Variants in MEAK7 observed in about 807,000 individuals in gnomAD.
MEAK7 encodes MTOR-associated protein MEAK7.
In MEAK7, 68 loss-of-function variants were observed where a neutral mutation model predicts 40.5. The ratio of observed to expected loss-of-function variants is 1.68; its 90% CI spans 1.38 to 2.06. MEAK7 has a LOEUF of 2.06. Among genes scored for constraint, MEAK7 ranks in the 30% most tolerant of loss-of-function variants. The pLI is 0.00. For synonymous variants in MEAK7, 338 were observed against 231.9 expected, an observed-to-expected ratio of 1.46 and a Z score of -4.16; for missense variants, 918 against 580.5, an observed-to-expected ratio of 1.58 and a Z score of -5.98.
intron 3 of MEAK7, among the ~76,000 whole-genome samples, chr16:84,489,897 T>G (rs1913422163): frequency 6.6e-6 from 1 of 152,174 alleles, no homozygotes; most frequent in African/African-American, 2.4e-5. Context: ...TGCAGCTCGC[T>G]TCCAACAGGG....
Position 84,486,848 on chromosome 16 carries a change from A to G in MEAK7, c.741T>C (p.Asp247=), listed in dbSNP as rs1913118450. 1 of 1,614,156 alleles carries G rather than the reference A, an allele frequency of 6.2e-7. No homozygotes were observed. Among genetic ancestry groups the G allele is most frequent in the Admixed American group, 1.7e-5 (1 of 60,028 alleles). ...DQGRGFESIL[D]VLSVMYINAQ... The stretch of plus-strand genomic sequence containing the variant: ...CGTTGATGTACATGACAGAGAGGAC[A>G]TCCAGGATGCTCTCAAAACCCCTGC... Residue 247 remains aspartate (D), a synonymous_variant, in exon 5 of 8, where the codon GAT becomes GAC. Transcript: ENST00000343629.
chr16:84,503,164 C>T (rs530305278), intron 1 of MEAK7, among the ~76,000 whole-genome samples: 58 of 152,104 alleles, frequency 3.8e-4, no homozygotes, highest in Non-Finnish European at 7.8e-4. Context: ...CACATAAAAC[C>T]CACTAACAAT....
chr16:84,487,311 ATAT>A (rs1913177733), intron 4 of MEAK7: 1 of 457,544 alleles, frequency 2.2e-6, no homozygotes, highest in Non-Finnish European at 3.8e-6. Context: ...TATTTAGGAC[ATAT>A]TATTAGAATC....
chr16:84,481,117 C>T (rs532583222), intron 6 of MEAK7, among the ~76,000 whole-genome samples: 2 of 152,244 alleles, frequency 1.3e-5, no homozygotes, highest in Middle Eastern at 3.2e-3. Context: ...GGCCCCAGTG[C>T]CCCGCTTCCG....
chr16:84,496,793 C>G (rs544917036), intron 2 of MEAK7, among the ~76,000 whole-genome samples: 1 of 152,134 alleles, frequency 6.6e-6, no homozygotes, highest in Non-Finnish European at 1.5e-5. Context: ...CCTCCAAACT[C>G]TCCTGTCTTG....
At chr16:84,497,308 G>A in intron 2 of MEAK7, 2 of 883,024 alleles carry the variant, frequency 2.3e-6, no homozygotes, top group African/African-American at 1.8e-5. Flanking sequence ...ATGGAACGGG[G>A]AAAAACATGG....
intron 5 of MEAK7, among the ~76,000 whole-genome samples, chr16:84,484,078 C>T (rs905554953): frequency 1.6e-4 from 24 of 152,200 alleles, no homozygotes; most frequent in African/African-American, 4.6e-4. Flanking sequence ...TTCAGGTAAG[C>T]GGCCCTTTGC....
At chr16:84,490,601 A>G (rs1338981247) in intron 3 of MEAK7, among the ~76,000 whole-genome samples, 1 of 148,860 alleles carries the variant, frequency 6.7e-6, no homozygotes, top group African/African-American at 2.5e-5. Context: ...ATTTAAAATG[A>G]TTTTTTTAAA....
At chr16:84,485,219 C>T (rs374172204) in intron 5 of MEAK7, among the ~76,000 whole-genome samples, 2 of 152,322 alleles carry the variant, frequency 1.3e-5, no homozygotes, top group East Asian at 3.9e-4. Flanking sequence ...ACCTGCAGGG[C>T]CGGCCCTGGG....
intron 7 of MEAK7, among the ~76,000 whole-genome samples, chr16:84,480,311 A>AC (rs1180552798): frequency 7.9e-5 from 12 of 151,330 alleles, no homozygotes; most frequent in Non-Finnish European, 1.5e-4. Flanking sequence ...CACTTGGGGA[A>AC]CCCCCCTTCC....
In MEAK7 at chr16:84,482,633, T is replaced by C. The variant is rs767161299; in HGVS notation, c.1036A>G (p.Met346Val). The change falls in exon 6 of 8, where the codon ATG becomes GTG. Residue 346 changes from methionine (M) to valine (V), a missense_variant. Transcript: ENST00000343629. ...YTHTGYNDHYMYLNHGQQTIP... is the reference protein window; with the variant it reads ...YTHTGYNDHYVYLNHGQQTIP... ...GTCTGCTGTCCATGGTTCAAGTACA[T>C]GTAGTGGTCGTTGTAGCCCGTGTGT... 3 of 1,614,054 alleles carry C rather than the reference T, an allele frequency of 1.9e-6. No homozygotes were observed. The highest frequency in any genetic ancestry group is 2.2e-5 in the East Asian group (1 of 44,896).
intron 3 of MEAK7, among the ~76,000 whole-genome samples, chr16:84,490,280 GAAA>G (rs57264146): frequency 1.6e-4 from 22 of 141,148 alleles, no homozygotes; most frequent in Admixed American, 5.0e-4. Context: ...ATAGCTGGGG[GAAA>G]AAAAAAAAAA....
Position 84,490,654 on chromosome 16 carries a change from A to ATGTGTGTGTGTG in MEAK7, c.385-1244_385-1233dup, listed in dbSNP as rs35489449. Among the ~76,000 whole-genome samples, 401 of 137,594 alleles carry ATGTGTGTGTGTG rather than the reference A, an allele frequency of 2.9e-3. 2 individuals carry two copies. Among genetic ancestry groups the ATGTGTGTGTGTG allele is most frequent in the African/African-American group, 5.3e-3 (190 of 36,126 alleles). The allele number at this position is 137,594 out of a possible 152,430, so 90.3% of individuals were successfully genotyped here. On this transcript the variant is annotated intron_variant, in intron 3 of 7. Coordinates refer to ENST00000343629, the MANE Select transcript of MEAK7 (RefSeq NM_020947.4). ...TCAGCTTAATTAAAAGCTAATCAAG[A>ATGTGTGTGTGTG]TGTGTGTGTGTGTGTGTGTGTGTGT...
At chr16:84,502,465 C>T (rs1410100644) in intron 1 of MEAK7, among the ~76,000 whole-genome samples, 1 of 152,096 alleles carries the variant, frequency 6.6e-6, no homozygotes, top group Non-Finnish European at 1.5e-5. Flanking sequence ...GGAAGCGGAA[C>T]TTGATACAAG....
At chr16:84,485,118 C>T (rs1912919329) in intron 5 of MEAK7, among the ~76,000 whole-genome samples, 2 of 152,128 alleles carry the variant, frequency 1.3e-5, no homozygotes, top group Non-Finnish European at 2.9e-5. Context: ...TGGGCACATG[C>T]CCTATGCCTG....
intron 3 of MEAK7, among the ~76,000 whole-genome samples, chr16:84,493,747 A>G (rs1913818013): frequency 1.3e-5 from 2 of 152,234 alleles, no homozygotes; most frequent in African/African-American, 4.8e-5. Context: ...ACAGGACATA[A>G]TTGGAAACAC....
In MEAK7 at chr16:84,497,989, G is replaced by T. The variant is rs144320129; in HGVS notation, c.98C>A (p.Ser33Ter). The T allele has an allele frequency of 3.1e-6, 5 of 1,614,192 alleles. 1 individual carries two copies. In the South Asian group the frequency reaches 5.5e-5, roughly 18 times the overall value. ...EIDQLFDALS[S>*]DKNSPNVSSK... ...TGAGACATTCGGGCTGTTTTTATCT[G>T]ATGACAGAGCATCAAACAATTGATC... Residue 33 changes from serine (S) to a stop codon, truncating the protein, a stop_gained, in exon 2 of 8, where the codon TCA becomes TAA. Coordinates refer to ENST00000343629, the MANE Select transcript of MEAK7 (RefSeq NM_020947.4). LOFTEE classifies it high-confidence loss of function.
chr16:84,492,172 A>T (rs1441451552), intron 3 of MEAK7, among the ~76,000 whole-genome samples: 1 of 152,174 alleles, frequency 6.6e-6, no homozygotes, highest in Non-Finnish European at 1.5e-5. Context: ...TGAGAGAGAA[A>T]ATTAGTTCAG....
chr16:84,489,995 G>A lies in MEAK7; in HGVS notation c.385-573C>T, dbSNP rs529441097. 1.8e-4 allele frequency among the ~76,000 whole-genome samples: 28 copies of A among 152,110 alleles called. No homozygotes were observed. In the South Asian group the frequency reaches 5.8e-3, roughly 32 times the overall value. ...ACTCCTAGGAAAGTAGATGAATTGG[G>A]GTTTTGTCTTAAAAATTCTCCTGAT... is the stretch of plus-strand genomic sequence containing the variant. On this transcript the variant is annotated intron_variant, in intron 3 of 7. Coordinates refer to ENST00000343629, the MANE Select transcript of MEAK7 (RefSeq NM_020947.4).
Sources: allele counts gnomAD v4.1 joint callset (sites outside exome capture counted in the v4.1 genomes callset), GRCh38; gene constraint gnomAD v4.1.1; transcripts MANE v1.5; gene names NCBI Gene and HGNC (gene_info 2026-07-23, HGNC 2026-07-21).